MSH4: variants seen among roughly 807,000 people sequenced by gnomAD.
MSH4 encodes mutS homolog 4.
A neutral mutation model predicts 113.7 loss-of-function variants in MSH4; 106 were observed. The observed-to-expected ratio is 0.93, with a 90% CI of 0.80 to 1.10. The LOEUF is 1.10. Ranked by LOEUF, MSH4 falls within the 50% of genes least tolerant of loss-of-function variation. MSH4 has a pLI of 0.00. For missense variants in MSH4, 1,061 were observed against 1,093.7 expected, an observed-to-expected ratio of 0.97 and a Z score of 0.42; for synonymous variants, 368 against 380.2, an observed-to-expected ratio of 0.97 and a Z score of 0.37.
At chr1:75,822,669 T>C in intron 7 of MSH4, 88 bp downstream of exon 7, 1 of 662,168 alleles carries the variant, frequency 1.5e-6, no homozygotes. Flanking sequence ...GAAAGACAAG[T>C]AGTGAAGGTG....
intron 19 of MSH4, among the ~76,000 whole-genome samples, chr1:75,900,353 G>A (rs1239568797): frequency 7.9e-5 from 12 of 152,114 alleles, no homozygotes; most frequent in Admixed American, 7.9e-4. Context: ...CCAGGCTGGA[G>A]TGCAATGGCA....
chr1:75,912,423 T>C lies in MSH4; in HGVS notation c.2620-273T>C, dbSNP rs11161875. 6.7e-3 allele frequency among the ~76,000 whole-genome samples: 1,019 copies of C among 152,210 alleles called. 10 individuals carry two copies. The highest frequency in any genetic ancestry group is 0.023 in the African/African-American group (967 of 41,540). The stretch of plus-strand genomic sequence containing the variant: ...GAGAAATCTGACCTATTTAGCATAA[T>C]TTTTTTCATTGAAAAGTGATTTCAA... On this transcript the variant is annotated intron_variant, in intron 19 of 19. Coordinates refer to ENST00000263187, the MANE Select transcript of MSH4 (RefSeq NM_002440.4).
At chr1:75,911,506 G>T (rs10873797) in intron 19 of MSH4, among the ~76,000 whole-genome samples, 41,031 of 151,776 alleles carry the variant, frequency 0.27, 5,824 homozygotes, top group Middle Eastern at 0.37. Context: ...GTATTTTATG[G>T]CTGTTTTATG....
At chr1:75,878,046 C>G (rs1355862129) in intron 10 of MSH4, 103 bp from the exon 11 acceptor site, 1 of 834,412 alleles carries the variant, frequency 1.2e-6, no homozygotes, top group Non-Finnish European at 1.8e-6. Flanking sequence ...TTCAAAATAA[C>G]TTTCAACAAA....
intron 19 of MSH4, 66 bp from the exon 20 acceptor site, chr1:75,912,630 T>A (rs531570520): frequency 9.7e-7 from 1 of 1,034,394 alleles, no homozygotes; most frequent in African/African-American, 1.7e-5. Flanking sequence ...ATTGCCAACA[T>A]GTGGTTTAAA....
chr1:75,874,280 A>G (rs965467341), intron 9 of MSH4, among the ~76,000 whole-genome samples: 6 of 152,138 alleles, frequency 3.9e-5, no homozygotes, highest in African/African-American at 1.4e-4. Flanking sequence ...TTGTAAATTT[A>G]AAAACACTTT....
chr1:75,829,035 C>G (rs909170056), intron 7 of MSH4, among the ~76,000 whole-genome samples: 5 of 152,112 alleles, frequency 3.3e-5, no homozygotes, highest in African/African-American at 1.2e-4. Flanking sequence ...CCTTTCCCAG[C>G]AAAGGGAAGC....
At position 75,882,663 on chromosome 1, in the gene MSH4, T is replaced by TAAAAA. The variant is rs35936506; in HGVS notation, c.1907-936_1907-932dup. 3.4e-4 allele frequency among the ~76,000 whole-genome samples: 42 copies of TAAAAA among 123,794 alleles called. 2 individuals carry two copies. Among genetic ancestry groups the TAAAAA allele is most frequent in the African/African-American group, 6.3e-4 (21 of 33,480 alleles). The allele number at this position is 123,794 out of a possible 152,430, so 81.2% of individuals were successfully genotyped here. ...GGGCAACATAGCTAGACCTCATTTC[T>TAAAAA]AAAAAAAAAAAAAAAAAAAAAAAAA... is the stretch of plus-strand genomic sequence containing the variant. On this transcript the variant is annotated intron_variant, in intron 14 of 19. Coordinates refer to ENST00000263187, the MANE Select transcript of MSH4 (RefSeq NM_002440.4).
At chr1:75,861,687 A>G (rs1651457961) in intron 8 of MSH4, among the ~76,000 whole-genome samples, 1 of 152,148 alleles carries the variant, frequency 6.6e-6, no homozygotes, top group South Asian at 2.1e-4. Flanking sequence ...GTTGGCCCCT[A>G]CTGGGAGGTG....
intron 7 of MSH4, among the ~76,000 whole-genome samples, chr1:75,837,206 A>G (rs1026793393): frequency 6.6e-6 from 1 of 152,142 alleles, no homozygotes; most frequent in Non-Finnish European, 1.5e-5. Context: ...GCGAGAAGGT[A>G]CCATCTATGA....
chr1:75,886,580 A>G (rs1652121710), intron 15 of MSH4, among the ~76,000 whole-genome samples: 1 of 125,000 alleles, frequency 8.0e-6, no homozygotes, highest in African/African-American at 3.1e-5. Context: ...GTTATTATGT[A>G]TAATATATAA....
Position 75,879,262 on chromosome 1 carries a change from C to T in MSH4, c.1677+134C>T. On this transcript the variant is annotated intron_variant, in intron 12 of 19. Transcript: ENST00000263187. Reference sequence around the variant, plus strand: ...ATCTTCTCCTATTCCTACCCACCCACCTAACTAATGTACTAATCTAAGAGT... The same window carrying T: ...ATCTTCTCCTATTCCTACCCACCCATCTAACTAATGTACTAATCTAAGAGT... 4 of 730,282 alleles carry T rather than the reference C, an allele frequency of 5.5e-6. No individual in the cohort carries two copies. In the South Asian group the frequency reaches 7.0e-5, roughly 13 times the overall value. 45.2% of individuals were successfully genotyped at this position (730,282 alleles called of 1,614,324 possible).
chr1:75,831,274 C>T (rs1557500426), intron 7 of MSH4, among the ~76,000 whole-genome samples: 1 of 152,148 alleles, frequency 6.6e-6, no homozygotes, highest in Non-Finnish European at 1.5e-5. Context: ...AACAGGAGCA[C>T]CCAGATTCAT....
In MSH4 at chr1:75,878,063, C is replaced by G. The variant is rs1332544894; in HGVS notation, c.1371-86C>G. The G allele has an allele frequency of 2.9e-5, 29 of 984,346 alleles. No individual in the cohort carries two copies. In the South Asian group the frequency reaches 4.3e-4, roughly 15 times the overall value. 61.0% of individuals were successfully genotyped at this position (984,346 alleles called of 1,614,324 possible). A position where few individuals can be genotyped will look rare whatever the true frequency, so the allele number is the denominator to read the frequency against. On this transcript the variant is annotated intron_variant, in intron 10 of 19. Transcript: ENST00000263187. ...CAAAATAACTTTCAACAAAAATTTG[C>G]TATCATCAATTGTGATTCAAATTAT... is the stretch of plus-strand genomic sequence containing the variant.
intron 7 of MSH4, among the ~76,000 whole-genome samples, chr1:75,824,462 A>G (rs1650500221): frequency 6.6e-6 from 1 of 152,082 alleles, no homozygotes; most frequent in Admixed American, 6.6e-5. Context: ...GCTGAGCAGA[A>G]GCGCTTTAGT....
intron 17 of MSH4, among the ~76,000 whole-genome samples, chr1:75,893,188 T>C (rs1279794127): frequency 6.6e-6 from 1 of 152,136 alleles, no homozygotes; most frequent in Non-Finnish European, 1.5e-5. Context: ...TAAAACATTT[T>C]AAATAACAAA....
At chr1:75,894,953 C>A (rs1414349985) in intron 17 of MSH4, among the ~76,000 whole-genome samples, 2 of 152,000 alleles carry the variant, frequency 1.3e-5, no homozygotes, top group African/African-American at 4.8e-5. Flanking sequence ...ATTCATGGGT[C>A]CAGCAATCAA....
chr1:75,828,896 C>T lies in MSH4; in HGVS notation c.1162+6315C>T, dbSNP rs142614944. Among the ~76,000 whole-genome samples the T allele has an allele frequency of 4.0e-3, 615 of 152,174 alleles. 1 individual carries two copies. Among genetic ancestry groups the T allele is most frequent in the Middle Eastern group, 0.014 (4 of 294 alleles). On this transcript the variant is annotated intron_variant, in intron 7 of 19. Coordinates refer to ENST00000263187, the MANE Select transcript of MSH4 (RefSeq NM_002440.4). ...CTCCCAGCATGAGCAACACAGAAGA[C>T]GGGTGATTTCTGCATTTCCAACTGA...
chr1:75,822,321 G>T, intron 6 of MSH4, 88 bp from the exon 7 acceptor site: 23 of 738,222 alleles, frequency 3.1e-5, no homozygotes, highest in Non-Finnish European at 4.8e-5. Context: ...CATTGCTGTA[G>T]ATTATAGGAT....
Sources: allele counts gnomAD v4.1 joint callset (sites outside exome capture counted in the v4.1 genomes callset), GRCh38; gene constraint gnomAD v4.1.1; transcripts MANE v1.5; gene names NCBI Gene and HGNC (gene_info 2026-07-23, HGNC 2026-07-21).